CTNNA3: variants seen among roughly 807,000 people sequenced by gnomAD.
The protein encoded by CTNNA3 is catenin alpha 3.
In CTNNA3, 76 loss-of-function variants were observed where a neutral mutation model predicts 95.7. That is an observed-to-expected ratio of 0.79 (90% confidence interval 0.66 to 0.96). CTNNA3 has a LOEUF of 0.96. Ranked by LOEUF, CTNNA3 falls within the 40% of genes least tolerant of loss-of-function variation. The pLI is 0.00. For missense variants in CTNNA3, 1,191 were observed against 1,089.8 expected, an observed-to-expected ratio of 1.09 and a Z score of -1.31; for synonymous variants, 431 against 374.4, an observed-to-expected ratio of 1.15 and a Z score of -1.74.
chr10:66,475,562 A>T (rs1180054824), intron 11 of CTNNA3, among the ~76,000 whole-genome samples: 2 of 152,120 alleles, frequency 1.3e-5, no homozygotes, highest in African/African-American at 4.8e-5. Context: ...GGACATGAAC[A>T]GATACTTCTC....
intron 7 of CTNNA3, among the ~76,000 whole-genome samples, chr10:67,013,391 T>A (rs958525412): frequency 6.6e-6 from 1 of 151,904 alleles, no homozygotes; most frequent in Non-Finnish European, 1.5e-5. Flanking sequence ...ACTAAAAAAA[T>A]TAATAATAAC....
chr10:67,242,627 A>G (rs902765714), intron 5 of CTNNA3, among the ~76,000 whole-genome samples: 8 of 152,190 alleles, frequency 5.3e-5, no homozygotes, highest in Non-Finnish European at 1.0e-4. Context: ...ACTAGCACAG[A>G]TGTTTCTGTG....
chr10:66,101,632 T>C (rs2081635194), intron 14 of CTNNA3, among the ~76,000 whole-genome samples: 1 of 152,200 alleles, frequency 6.6e-6, no homozygotes. Context: ...ATGCAAGATA[T>C]TATTGTTAAT....
intron 5 of CTNNA3, among the ~76,000 whole-genome samples, chr10:67,503,149 A>C (rs1228353846): frequency 1.3e-5 from 2 of 152,224 alleles, no homozygotes; most frequent in African/African-American, 4.8e-5. Flanking sequence ...CCATGGGAAA[A>C]GCATAGTGTC....
At chr10:66,613,425 T>C (rs965602229) in intron 10 of CTNNA3, among the ~76,000 whole-genome samples, 5 of 152,048 alleles carry the variant, frequency 3.3e-5, no homozygotes, top group Non-Finnish European at 7.4e-5. Flanking sequence ...AAGTATTTGT[T>C]GAATGAAGAG....
chr10:66,588,855 CTAA>C (rs1317810535), intron 10 of CTNNA3, among the ~76,000 whole-genome samples: 1 of 151,866 alleles, frequency 6.6e-6, no homozygotes, highest in Non-Finnish European at 1.5e-5. Flanking sequence ...ACAATTGAAC[CTAA>C]TTATAAGGAT....
intron 3 of CTNNA3, among the ~76,000 whole-genome samples, chr10:67,540,385 T>C (rs1169954009): frequency 6.6e-6 from 1 of 151,994 alleles, no homozygotes; most frequent in Non-Finnish European, 1.5e-5. Context: ...AGTTTTTAAA[T>C]CTAAACTTCT....
chr10:66,716,368 T>C (rs1179513953), intron 9 of CTNNA3, among the ~76,000 whole-genome samples: 1 of 152,164 alleles, frequency 6.6e-6, no homozygotes, highest in African/African-American at 2.4e-5. Flanking sequence ...ATTTTCTCTA[T>C]AGTGCTCAAA....
intron 7 of CTNNA3, among the ~76,000 whole-genome samples, chr10:66,834,619 A>T (rs1434060617): frequency 6.6e-6 from 1 of 152,218 alleles, no homozygotes; most frequent in Non-Finnish European, 1.5e-5. Context: ...TGAAGATATG[A>T]CTTTAAGAAA....
intron 7 of CTNNA3, among the ~76,000 whole-genome samples, chr10:67,084,471 A>G (rs1358957151): frequency 2.0e-5 from 3 of 151,904 alleles, no homozygotes; most frequent in Admixed American, 6.6e-5. Flanking sequence ...TAATTTAAAT[A>G]TTGTTTATAA....
chr10:66,753,787 A>G lies in CTNNA3; in HGVS notation c.1281+12477T>C, dbSNP rs538087052. Among the ~76,000 whole-genome samples, 594 of 152,122 alleles carry G rather than the reference A, an allele frequency of 3.9e-3. 3 individuals are homozygous for G. The highest frequency in any genetic ancestry group is 7.1e-3 in the Non-Finnish European group (480 of 67,976). ...ATAATTCCATTTACAATAGCATCAA[A>G]TAGAATAAAATTTATTGATAATAAA... On this transcript the variant is annotated intron_variant, in intron 9 of 17. Transcript: ENST00000433211.
chr10:66,391,443 T>C (rs925587837), intron 11 of CTNNA3, among the ~76,000 whole-genome samples: 6 of 152,120 alleles, frequency 3.9e-5, no homozygotes, highest in Admixed American at 2.0e-4. Context: ...GACTATTGCT[T>C]GTCCTTTTAA....
At chr10:67,318,811 C>A (rs1589160878) in intron 5 of CTNNA3, among the ~76,000 whole-genome samples, 1 of 152,226 alleles carries the variant, frequency 6.6e-6, no homozygotes, top group East Asian at 1.9e-4. Flanking sequence ...AGCCCTTGCT[C>A]CTTGCTGTAA....
At chr10:66,693,423 T>C (rs943630450) in intron 9 of CTNNA3, among the ~76,000 whole-genome samples, 10 of 149,528 alleles carry the variant, frequency 6.7e-5, no homozygotes, top group African/African-American at 2.3e-4. Flanking sequence ...ATCCTAAATA[T>C]ATATGCACCC....
At chr10:66,359,891 A>G (rs1304018791) in intron 12 of CTNNA3, among the ~76,000 whole-genome samples, 3 of 149,486 alleles carry the variant, frequency 2.0e-5, no homozygotes, top group African/African-American at 7.4e-5. Flanking sequence ...CAGTGGCTTG[A>G]TCTCTGCTCA....
At chr10:67,030,963 C>T (rs1311591550) in intron 7 of CTNNA3, among the ~76,000 whole-genome samples, 6 of 152,084 alleles carry the variant, frequency 3.9e-5, no homozygotes, top group African/African-American at 7.2e-5. Flanking sequence ...GAGATTGCAT[C>T]GCTGCACTCC....
At chr10:66,638,670 AGTCTC>A (rs1211588779) in intron 9 of CTNNA3, among the ~76,000 whole-genome samples, 1 of 152,076 alleles carries the variant, frequency 6.6e-6, no homozygotes, top group African/African-American at 2.4e-5. Flanking sequence ...AACTGAATTC[AGTCTC>A]TACATAATCA....
At chr10:67,760,405 A>G (rs1171573298) in intron 1 of CTNNA3, among the ~76,000 whole-genome samples, 6 of 152,168 alleles carry the variant, frequency 3.9e-5, no homozygotes, top group African/African-American at 1.2e-4. Flanking sequence ...AGCTAATATT[A>G]CAAGTTATAC....
chr10:67,207,732 C>T (rs1018688500), intron 6 of CTNNA3, among the ~76,000 whole-genome samples: 2 of 152,176 alleles, frequency 1.3e-5, no homozygotes. Context: ...TACAAACCTG[C>T]AAGATTACCC....
Sources: gnomAD v4.1 joint callset for allele counts (sites outside exome capture counted in the v4.1 genomes callset) on GRCh38, gnomAD v4.1.1 for gene constraint, MANE v1.5 for transcripts, NCBI Gene and HGNC (gene_info 2026-07-23, HGNC 2026-07-21) for gene names.